ZNF432: variants seen among roughly 807,000 people sequenced by gnomAD.
ZNF432 encodes zinc finger protein 432.
In ZNF432, 10 loss-of-function variants were observed where a neutral mutation model predicts 13.9. That is an observed-to-expected ratio of 0.72 (90% CI 0.44 to 1.22). The LOEUF is 1.22. Among genes scored for constraint, ZNF432 ranks in the 50% most tolerant of loss-of-function variants. The probability of loss-of-function intolerance (pLI) is 0.00; values close to 1 mark genes in which losing one functional copy is unlikely to be tolerated. For missense variants in ZNF432, 793 were observed against 796.2 expected, an observed-to-expected ratio of 1.00 and a Z score of 0.05; for synonymous variants, 247 against 256.2, an observed-to-expected ratio of 0.96 and a Z score of 0.34.
chr19:52,040,933 T>A (rs1233512238), intron 3 of ZNF432, among the ~76,000 whole-genome samples: 2 of 145,536 alleles, frequency 1.4e-5, no homozygotes, highest in Non-Finnish European at 3.0e-5. Context: ...ATAGACTCCA[T>A]CTCTACAAAA....
intron 4 of ZNF432, among the ~76,000 whole-genome samples, chr19:52,037,402 AC>A (rs1259651430): frequency 6.6e-6 from 1 of 152,188 alleles, no homozygotes; most frequent in African/African-American, 2.4e-5. Context: ...GAATTTTGCA[AC>A]TGGCCAGTGT....
In ZNF432 at chr19:52,031,925, G is replaced by A. The variant is rs754409888; in HGVS notation, c.*1795C>T. On this transcript the variant is annotated 3_prime_UTR_variant, in exon 5 of 5. Transcript: ENST00000221315. ...AGGCAGGAAAATCTCTTGAACCTGGGAGGCGGGGTTGCAGTGAGCCAAGAT... is the reference window on the plus strand; with the variant it reads ...AGGCAGGAAAATCTCTTGAACCTGGAAGGCGGGGTTGCAGTGAGCCAAGAT... 1.4e-4 allele frequency: 21 copies of A among 152,218 alleles called. No individual in the cohort carries two copies. The highest frequency in any genetic ancestry group is 5.9e-5 in the Non-Finnish European group (4 of 68,048). 9.4% of individuals were successfully genotyped at this position (152,218 alleles called of 1,614,324 possible).
rs747444404 is a variant in ZNF432, at chr19:52,034,681, A to G, written c.998T>C (p.Ile333Thr). 3.1e-6 allele frequency: 5 copies of G among 1,613,804 alleles called. No individual in the cohort carries two copies. In the African/African-American group the frequency reaches 5.3e-5, roughly 17 times the overall value. The change falls in exon 5 of 5, where the codon ATT (isoleucine) becomes ACT (threonine). Residue 333 changes from isoleucine (I) to threonine (T), a missense_variant. Coordinates refer to ENST00000221315, the MANE Select transcript of ZNF432 (RefSeq NM_014650.4). ...GKGFTGKSMLIIHQRTHTGEK... is the reference protein window; with the variant it reads ...GKGFTGKSMLTIHQRTHTGEK... ...TCCTGTATGAGTTCGCTGATGTATA[A>G]TAAGCATGCTCTTCCCAGTGAAGCC...
intron 2 of ZNF432, among the ~76,000 whole-genome samples, 181 bp from the exon 3 acceptor site, chr19:52,041,787 T>C (rs1038152476): frequency 2.0e-5 from 3 of 152,204 alleles, no homozygotes; most frequent in African/African-American, 4.8e-5. Flanking sequence ...CAGTGCCCCA[T>C]TTGCTCAACA....
chr19:52,037,723 G>A (rs145288563), intron 4 of ZNF432, among the ~76,000 whole-genome samples: 228 of 150,272 alleles, frequency 1.5e-3, no homozygotes, highest in African/African-American at 5.4e-3. Flanking sequence ...CCAGGAGGTT[G>A]AGGCTGCAGT....
chr19:52,037,730 C>G (rs2087097431), intron 4 of ZNF432, among the ~76,000 whole-genome samples: 1 of 146,688 alleles, frequency 6.8e-6, no homozygotes. Flanking sequence ...GTTGAGGCTG[C>G]AGTGAGCCAA....
chr19:52,046,891 C>T lies in ZNF432; in HGVS notation c.-23G>A, dbSNP rs2087189327. 1.9e-6 allele frequency: 3 copies of T among 1,612,296 alleles called. No individual in the cohort carries two copies. Among genetic ancestry groups the T allele is most frequent in the Non-Finnish European group, 2.5e-6 (3 of 1,179,042 alleles). On this transcript the variant is annotated 5_prime_UTR_variant, in exon 2 of 5. Transcript: ENST00000221315. ...CATTTTCTTCTGTTGTGGGAAATGG[C>T]CAGCACCTGGGATACTCTGTCTTTG... is the stretch of plus-strand genomic sequence containing the variant.
In ZNF432 at chr19:52,040,434, G is replaced by C. The variant is rs1430520839; in HGVS notation, c.238+54C>G. On this transcript the variant is annotated intron_variant, in intron 4 of 4. Transcript: ENST00000221315. ...TTCTGTGTCCTCAGACACCCACAGAGCCTTCTTTCACTGACTATAATATTA... is the reference window on the plus strand; with the variant it reads ...TTCTGTGTCCTCAGACACCCACAGACCCTTCTTTCACTGACTATAATATTA... 6 of 1,496,116 alleles carry C rather than the reference G, an allele frequency of 4.0e-6. No homozygotes were observed. The South Asian group carries it at 5.6e-5, about 14-fold the overall frequency. 92.7% of individuals were successfully genotyped at this position (1,496,116 alleles called of 1,614,324 possible).
At position 52,034,462 on chromosome 19, in the gene ZNF432, C is replaced by G; in HGVS notation, c.1217G>C (p.Cys406Ser). Residue 406 changes from cysteine (C) to serine (S), a missense_variant, in exon 5 of 5, where the codon TGT (cysteine) becomes TCT (serine). Cys to Ser is a moderately radical substitution (Grantham distance 112). Coordinates refer to ENST00000221315, the MANE Select transcript of ZNF432 (RefSeq NM_014650.4). ...TGEKPYICSECGKGFPRKSNL... is the reference protein window; with the variant it reads ...TGEKPYICSESGKGFPRKSNL... Reference sequence around the variant, plus strand: ...ACTCTTCCTGGGAAAGCCTTTTCCACATTCACTGCATATGTAGGGTTTCTC... The same window carrying G: ...ACTCTTCCTGGGAAAGCCTTTTCCAGATTCACTGCATATGTAGGGTTTCTC... 1.9e-6 allele frequency: 3 copies of G among 1,614,082 alleles called. No individual in the cohort carries two copies. Among genetic ancestry groups the G allele is most frequent in the Non-Finnish European group, 2.5e-6 (3 of 1,179,988 alleles).
chr19:52,045,439 C>T (rs949303862), intron 2 of ZNF432, among the ~76,000 whole-genome samples: 14 of 149,640 alleles, frequency 9.4e-5, no homozygotes, highest in Non-Finnish European at 1.8e-4. Flanking sequence ...TCACCACAAC[C>T]TCCACCTCCC....
At position 52,040,681 on chromosome 19, in the gene ZNF432, T is replaced by A. The variant is rs1466829842; in HGVS notation, c.143-98A>T. The stretch of plus-strand genomic sequence containing the variant: ...TTTAAGTAACTAGACAGTTTTCACA[T>A]CTGAAAGTAGAGGCTTCTCTCTCAG... On this transcript the variant is annotated intron_variant, in intron 3 of 4. Coordinates refer to ENST00000221315, the MANE Select transcript of ZNF432 (RefSeq NM_014650.4). 4.2e-6 allele frequency: 4 copies of A among 948,866 alleles called. No homozygotes were observed. In the African/African-American group the frequency reaches 4.9e-5, roughly 12 times the overall value. The allele number at this position is 948,866 out of a possible 1,614,324, so 58.8% of individuals were successfully genotyped here.
In ZNF432 at chr19:52,034,234, T is replaced by C. The variant is rs756092323; in HGVS notation, c.1445A>G (p.Glu482Gly). 1 of 1,614,194 alleles carries C rather than the reference T, an allele frequency of 6.2e-7. No homozygotes were observed. The highest frequency in any genetic ancestry group is 8.5e-7 in the Non-Finnish European group (1 of 1,180,036). The change falls in exon 5 of 5, where the codon GAG (glutamate) becomes GGG (glycine). Residue 482 changes from glutamate (E) to glycine (G), a missense_variant. By Grantham distance (98) the Glu-to-Gly change is moderately conservative. Coordinates refer to ENST00000221315, the MANE Select transcript of ZNF432 (RefSeq NM_014650.4). ...LIVHQRTHTG[E>G]KPYRCSECGK... ...ACATTCACTGCACCTGTAAGGTTTC[T>C]CTCCAGTATGAGTTCGCTGATGTAC...
rs993509750 is a variant in ZNF432, at chr19:52,033,593, A to G, written c.*127T>C. ...ACATTGATAGCATTCATCCTAGTGA[A>G]TAACACTGGATTTTGAAATATGATT... On this transcript the variant is annotated 3_prime_UTR_variant, in exon 5 of 5. Transcript: ENST00000221315. 1.6e-5 allele frequency: 18 copies of G among 1,117,864 alleles called. No individual in the cohort carries two copies. The highest frequency in any genetic ancestry group is 1.3e-4 in the Admixed American group (5 of 38,328). 69.2% of individuals were successfully genotyped at this position (1,117,864 alleles called of 1,614,324 possible).
intron 3 of ZNF432, 82 bp downstream of exon 3, chr19:52,041,398 G>GT: frequency 6.7e-7 from 1 of 1,491,414 alleles, no homozygotes; most frequent in Non-Finnish European, 8.9e-7. Context: ...GAGCACTGCA[G>GT]TAACTTCCAA....
At position 52,046,897 on chromosome 19, in the gene ZNF432, C is replaced by G. The variant is rs926645286; in HGVS notation, c.-29G>C. The G allele has an allele frequency of 1.2e-6, 2 of 1,611,856 alleles. No homozygotes were observed. The highest frequency in any genetic ancestry group is 1.7e-6 in the Non-Finnish European group (2 of 1,179,050). On this transcript the variant is annotated 5_prime_UTR_variant, in exon 2 of 5. Transcript: ENST00000221315. ...CTTCTGTTGTGGGAAATGGCCAGCA[C>G]CTGGGATACTCTGTCTTTGTCTCCT...
At position 52,035,308 on chromosome 19, in the gene ZNF432, C is replaced by T. The variant is rs1294571330; in HGVS notation, c.371G>A (p.Arg124Lys). The T allele has an allele frequency of 1.5e-5, 24 of 1,611,972 alleles. No individual in the cohort carries two copies. Among genetic ancestry groups the T allele is most frequent in the Non-Finnish European group, 2.0e-5 (24 of 1,179,554 alleles). ...TAACTCAAATGTATCATGATTTTCC[C>T]TGAAAAGACAAAGGCTTTTGGTTTG... Reference protein sequence around the residue: ...ASQTKSLCLFRENHDTFELYI... With the variant: ...ASQTKSLCLFKENHDTFELYI... Residue 124 changes from arginine to lysine, a missense_variant, in exon 5 of 5, where the codon AGG becomes AAG. Arg to Lys is a conservative substitution (Grantham distance 26, BLOSUM62 2). Transcript: ENST00000221315.
chr19:52,039,074 C>G (rs890039417), intron 4 of ZNF432, among the ~76,000 whole-genome samples: 13 of 152,218 alleles, frequency 8.5e-5, no homozygotes, highest in Non-Finnish European at 1.9e-4. Context: ...ACCAAAGGCT[C>G]AAGTGAACTT....
chr19:52,047,687 A>AAAG (rs59660190), intron 1 of ZNF432, among the ~76,000 whole-genome samples: 2 of 148,286 alleles, frequency 1.3e-5, no homozygotes, highest in African/African-American at 5.1e-5. Flanking sequence ...AAAAAAAAAA[A>AAAG]TGTTTATATA....
rs1427891875 is a variant in ZNF432, at chr19:52,033,103, A to C, written c.*617T>G. On this transcript the variant is annotated 3_prime_UTR_variant, in exon 5 of 5. Transcript: ENST00000221315. ...CTTTTCAAGACATAGTTACTTAGAA[A>C]ATTTTCAAGACTTTTCTGCATTGGA... 1 of 152,268 alleles carries C rather than the reference A, an allele frequency of 6.6e-6. No homozygotes were observed. Among genetic ancestry groups the C allele is most frequent in the Non-Finnish European group, 1.5e-5 (1 of 68,096 alleles). 9.4% of individuals were successfully genotyped at this position (152,268 alleles called of 1,614,324 possible).
Sources: gnomAD v4.1 joint callset for allele counts (sites outside exome capture counted in the v4.1 genomes callset) on GRCh38, gnomAD v4.1.1 for gene constraint, MANE v1.5 for transcripts, NCBI Gene and HGNC (gene_info 2026-07-23, HGNC 2026-07-21) for gene names.